The following INO80B variants were observed in gnomAD, a reference collection of about 807,000 sequenced individuals.
INO80B encodes the protein INO80 complex subunit B, also known as IES2 homolog.
In INO80B, 18 loss-of-function variants were observed where a neutral mutation model predicts 31.4. The ratio of observed to expected loss-of-function variants is 0.57; its 90% CI spans 0.40 to 0.85. The LOEUF is 0.85. Ranked by LOEUF, INO80B falls within the 40% of genes least tolerant of loss-of-function variation. The pLI, the probability that INO80B is intolerant of heterozygous loss-of-function variation, is 0.00. For synonymous variants in INO80B, 238 were observed against 199.0 expected (o/e 1.20, Z -1.65); for missense variants, 469 against 475.4 (o/e 0.99, Z 0.13).
Position 74,457,453 on chromosome 2 carries a change from G to T in INO80B, c.660G>T (p.Ala220=), listed in dbSNP as rs747358060. ...TGCTGCTGAAGCGCGAGGAGCGGGC[G>T]CGGAAGCGGCGGCTCCAGGCGGCGC... The part of the protein sequence containing the change: ...EEMLLKREER[A]RKRRLQAARR... Residue 220 remains alanine, a synonymous_variant, in exon 5 of 5, where the codon GCG becomes GCT. Coordinates refer to ENST00000233331, the MANE Select transcript of INO80B (RefSeq NM_031288.4). The T allele has an allele frequency of 6.4e-7, 1 of 1,568,234 alleles. No individual in the cohort carries two copies. Among genetic ancestry groups the T allele is most frequent in the Admixed American group, 1.9e-5 (1 of 53,618 alleles).
At position 74,455,591 on chromosome 2, in the gene INO80B, ACCAAGAGGTGAGG is replaced by A; in HGVS notation, c.251+2_251+14del. The A allele has an allele frequency of 6.2e-7, 1 of 1,610,750 alleles. No individual in the cohort carries two copies. Among genetic ancestry groups the A allele is most frequent in the Non-Finnish European group, 8.5e-7 (1 of 1,178,896 alleles). Reference sequence around the variant, plus strand: ...CAAGCTTGGGGGACAAGTCCTGGGGACCAAGAGGTGAGGCCAAGAGGGTCATAGTTTTATAAGG... The same window carrying A: ...CAAGCTTGGGGGACAAGTCCTGGGGACCAAGAGGGTCATAGTTTTATAAGG... On this transcript the variant is annotated splice_donor_variant and splice_donor_5th_base_variant and coding_sequence_variant and intron_variant, in exon 2 of 5. Coordinates refer to ENST00000233331, the MANE Select transcript of INO80B (RefSeq NM_031288.4). LOFTEE classifies it high-confidence loss of function.
chr2:74,455,318 A>C, intron 1 of INO80B, 88 bp from the exon 2 acceptor site: 1 of 1,552,390 alleles, frequency 6.4e-7, no homozygotes. Flanking sequence ...TACTGCGGGA[A>C]GGGTGGGATC....
At position 74,457,470 on chromosome 2, in the gene INO80B, A is replaced by G. The variant is rs1375758975; in HGVS notation, c.677A>G (p.Gln226Arg). 1.3e-6 allele frequency: 2 copies of G among 1,558,506 alleles called. No homozygotes were observed. Among genetic ancestry groups the G allele is most frequent in the East Asian group, 2.4e-5 (1 of 41,476 alleles). Reference sequence around the variant, plus strand: ...GAGCGGGCGCGGAAGCGGCGGCTCCAGGCGGCGCGGCGGGCAGAAGAGCAC... The same window carrying G: ...GAGCGGGCGCGGAAGCGGCGGCTCCGGGCGGCGCGGCGGGCAGAAGAGCAC... The part of the protein sequence containing the change: ...REERARKRRL[Q>R]AARRAEEHKN... Residue 226 changes from glutamine to arginine, a missense_variant, in exon 5 of 5, where the codon CAG becomes CGG. By Grantham distance (43) the Gln-to-Arg change is conservative. Transcript: ENST00000233331.
rs372549748 is a variant in INO80B, at chr2:74,457,903, C to T, written c.*39C>T. 3.7e-5 allele frequency: 55 copies of T among 1,486,272 alleles called. No individual in the cohort carries two copies. The highest frequency in any genetic ancestry group is 8.8e-5 in the Admixed American group (4 of 45,694). The allele number at this position is 1,486,272 out of a possible 1,614,324, so 92.1% of individuals were successfully genotyped here. A position where few individuals can be genotyped will look rare whatever the true frequency, so the allele number is the denominator to read the frequency against. ...GACTCTGCGCCCCGTCCCATGCCCG[C>T]TCTTGAGTATCTTCCCCACCCTATT... On this transcript the variant is annotated 3_prime_UTR_variant, in exon 5 of 5. Coordinates refer to ENST00000233331, the MANE Select transcript of INO80B (RefSeq NM_031288.4).
chr2:74,457,162 A>G (rs943783582), intron 4 of INO80B, among the ~76,000 whole-genome samples, 172 bp from the exon 5 acceptor site: 5 of 152,220 alleles, frequency 3.3e-5, no homozygotes, highest in African/African-American at 1.2e-4. Context: ...AGAGGAACCT[A>G]TGGAAGGTGT....
At position 74,455,460 on chromosome 2, in the gene INO80B, A is replaced by G. The variant is rs1244297004; in HGVS notation, c.113A>G (p.Lys38Arg). 6.2e-7 allele frequency: 1 copy of G among 1,614,170 alleles called. No homozygotes were observed. The highest frequency in any genetic ancestry group is 8.5e-7 in the Non-Finnish European group (1 of 1,180,038). ...AGAHGHGVHKKKHKKHKKKHK... is the reference protein window; with the variant it reads ...AGAHGHGVHKRKHKKHKKKHK... ...GCCCATGGCCATGGAGTGCACAAGA[A>G]AAAACACAAGAAGCACAAGAAGAAA... is the stretch of plus-strand genomic sequence containing the variant. The change falls in exon 2 of 5, where the codon AAA becomes AGA. Residue 38 changes from lysine to arginine, a missense_variant. Physicochemically the swap from Lys to Arg is conservative, Grantham distance 26. Around this residue, in one of 3 missense-constraint regions of INO80B, gnomAD observed 223 missense variants for 253.4 expected, o/e 0.88. Transcript: ENST00000233331.
chr2:74,455,353 G>A (rs764250539), intron 1 of INO80B, 53 bp from the exon 2 acceptor site: 3 of 1,607,008 alleles, frequency 1.9e-6, no homozygotes, highest in Non-Finnish European at 2.6e-6. Context: ...GTTATTCAGG[G>A]CTTCCCCTGC....
In INO80B at chr2:74,457,877, G is replaced by A; in HGVS notation, c.*13G>A. 6.6e-7 allele frequency: 1 copy of A among 1,516,020 alleles called. No individual in the cohort carries two copies. The highest frequency in any genetic ancestry group is 8.8e-7 in the Non-Finnish European group (1 of 1,139,150). 93.9% of individuals were successfully genotyped at this position (1,516,020 alleles called of 1,614,324 possible). A position where few individuals can be genotyped will look rare whatever the true frequency, so the allele number is the denominator to read the frequency against. On this transcript the variant is annotated 3_prime_UTR_variant, in exon 5 of 5. Coordinates refer to ENST00000233331, the MANE Select transcript of INO80B (RefSeq NM_031288.4). ...TTTGGCTACGTAAGGCCCTTAACCC[G>A]GACTCTGCGCCCCGTCCCATGCCCG...
chr2:74,457,712 C>G lies in INO80B; in HGVS notation c.919C>G (p.Pro307Ala). ...GCGGCCATCCCCCTCAGGCCCGCCG[C>G]CGCGCTGCTCTGTCCCCGGCTGTCC... is the stretch of plus-strand genomic sequence containing the variant. ...SQRPSPSGPP[P>A]RCSVPGCPHP... Residue 307 changes from proline (P) to alanine (A), a missense_variant, in exon 5 of 5, where the codon CCG becomes GCG. Coordinates refer to ENST00000233331, the MANE Select transcript of INO80B (RefSeq NM_031288.4). The G allele has an allele frequency of 1.1e-5, 17 of 1,600,030 alleles. No individual in the cohort carries two copies. The highest frequency in any genetic ancestry group is 1.4e-5 in the Non-Finnish European group (17 of 1,179,376).
In INO80B at chr2:74,457,522, C is replaced by T; in HGVS notation, c.729C>T (p.Thr243=). ...EHKNQTIERL[T]KTAATSGRGG... is the part of the protein sequence containing the mutation. ...AGAACCAGACTATCGAGCGCCTCAC[C>T]AAGACTGCGGCGACCAGTGGGCGGG... The change falls in exon 5 of 5, where the codon ACC becomes ACT. Residue 243 remains threonine, a synonymous_variant. Transcript: ENST00000233331. 2 of 1,536,576 alleles carry T rather than the reference C, an allele frequency of 1.3e-6. No homozygotes were observed. The highest frequency in any genetic ancestry group is 1.8e-6 in the Non-Finnish European group (2 of 1,141,856).
intron 1 of INO80B, 90 bp downstream of exon 1, chr2:74,455,264 G>A (rs1178772898): frequency 6.5e-7 from 1 of 1,549,038 alleles, no homozygotes. Context: ...TTCGGCCACA[G>A]GTGGCAAGGA....
chr2:74,455,223 C>T (rs540670284), intron 1 of INO80B, 49 bp downstream of exon 1: 2 of 1,601,330 alleles, frequency 1.2e-6, no homozygotes, highest in African/African-American at 1.3e-5. Flanking sequence ...AAAAGAAGTC[C>T]CGTTCTTGCT....
At position 74,455,428 on chromosome 2, in the gene INO80B, G is replaced by A. The variant is rs564421723; in HGVS notation, c.81G>A (p.Leu27=). The A allele has an allele frequency of 3.1e-6, 5 of 1,614,156 alleles. No homozygotes were observed. The highest frequency in any genetic ancestry group is 3.3e-5 in the Admixed American group (2 of 60,024). ...PEPGEALELS[L]AGAHGHGVHK... is the part of the protein sequence containing the mutation. Reference sequence around the variant, plus strand: ...CAGGAGAAGCCCTGGAGTTGAGCCTGGCGGGTGCCCATGGCCATGGAGTGC... The same window carrying A: ...CAGGAGAAGCCCTGGAGTTGAGCCTAGCGGGTGCCCATGGCCATGGAGTGC... Residue 27 remains leucine, a synonymous_variant, in exon 2 of 5, where the codon CTG becomes CTA. Coordinates refer to ENST00000233331, the MANE Select transcript of INO80B (RefSeq NM_031288.4).
chr2:74,457,682 T>C lies in INO80B; in HGVS notation c.889T>C (p.Ser297Pro). The change falls in exon 5 of 5, where the codon TCT becomes CCT. Residue 297 changes from serine (S) to proline (P), a missense_variant. Ser to Pro is a moderately conservative substitution (Grantham distance 74). Coordinates refer to ENST00000233331, the MANE Select transcript of INO80B (RefSeq NM_031288.4). Reference protein sequence around the residue: ...PPGVPAPTAVSQRPSPSGPPP... With the variant: ...PPGVPAPTAVPQRPSPSGPPP... ...TGGCGTCCCCGCCCCCACGGCAGTG[T>C]CTCAGCGGCCATCCCCCTCAGGCCC... 2 of 1,599,864 alleles carry C rather than the reference T, an allele frequency of 1.3e-6. No individual in the cohort carries two copies. The highest frequency in any genetic ancestry group is 4.5e-5 in the East Asian group (2 of 44,764).
chr2:74,457,242 A>T (rs932162573), intron 4 of INO80B, 92 bp from the exon 5 acceptor site: 11 of 1,360,982 alleles, frequency 8.1e-6, no homozygotes, highest in Non-Finnish European at 1.1e-5. Context: ...CCTGCCTTCC[A>T]TGTCCCTTCT....
At position 74,457,706 on chromosome 2, in the gene INO80B, C is replaced by G. The variant is rs375852983; in HGVS notation, c.913C>G (p.Pro305Ala). ...AVSQRPSPSG[P>A]PPRCSVPGCP... is the part of the protein sequence containing the mutation. ...GTCTCAGCGGCCATCCCCCTCAGGC[C>G]CGCCGCCGCGCTGCTCTGTCCCCGG... Residue 305 changes from proline to alanine, a missense_variant, in exon 5 of 5, where the codon CCG becomes GCG. Transcript: ENST00000233331. 6.3e-7 allele frequency: 1 copy of G among 1,599,954 alleles called. No homozygotes were observed. Among genetic ancestry groups the G allele is most frequent in the South Asian group, 1.1e-5 (1 of 90,882 alleles).
intron 2 of INO80B, 87 bp downstream of exon 2, chr2:74,455,685 G>C: frequency 6.9e-7 from 1 of 1,451,010 alleles, no homozygotes; most frequent in Middle Eastern, 1.9e-4. Flanking sequence ...CTAGAAGACC[G>C]AATGGACACT....
chr2:74,455,183 G>A lies in INO80B; in HGVS notation c.58+9G>A, dbSNP rs904394279. 1.9e-6 allele frequency: 3 copies of A among 1,614,004 alleles called. No individual in the cohort carries two copies. Among genetic ancestry groups the A allele is most frequent in the Non-Finnish European group, 1.7e-6 (2 of 1,179,938 alleles). ...GGAGGCCCCTGAGCCGGGTAAGCGCGAATAGATCAAGCAATTTAGGTCGTG... is the reference window on the plus strand; with the variant it reads ...GGAGGCCCCTGAGCCGGGTAAGCGCAAATAGATCAAGCAATTTAGGTCGTG... On this transcript the variant is annotated intron_variant, in intron 1 of 4. Coordinates refer to ENST00000233331, the MANE Select transcript of INO80B (RefSeq NM_031288.4).
Position 74,457,821 on chromosome 2 carries a change from TG to T in INO80B, c.1035del (p.Glu347ArgfsTer?), listed in dbSNP as rs752165206. The T allele has an allele frequency of 1.4e-5, 22 of 1,584,268 alleles. No individual in the cohort carries two copies. Among genetic ancestry groups the T allele is most frequent in the Admixed American group, 3.4e-5 (2 of 58,320 alleles). On this transcript the variant is annotated frameshift_variant, in exon 5 of 5. Coordinates refer to ENST00000233331, the MANE Select transcript of INO80B (RefSeq NM_031288.4). LOFTEE classifies it high-confidence loss of function. ...QCYRINLQMR[L>X]GGPEGPGSPL... is the part of the protein sequence containing the mutation. ...TACCGCATCAACCTGCAGATGCGGC[TG>T]GGGGGGCCCGAGGGTCCTGGATCCC...
Sources: gnomAD v4.1 joint callset for allele counts (sites outside exome capture counted in the v4.1 genomes callset) on GRCh38, gnomAD v4.1.1 for gene constraint, gnomAD v4.1.1 regional missense constraint, MANE v1.5 for transcripts, NCBI Gene and HGNC (gene_info 2026-07-23, HGNC 2026-07-21) for gene names.